The following GABRG3 variants were observed in gnomAD, a reference collection of about 807,000 sequenced individuals.
The protein encoded by GABRG3 is gamma-aminobutyric acid type A receptor subunit gamma3, also known as gamma-aminobutyric acid receptor subunit gamma-3.
Under a neutral mutation model 48.8 loss-of-function variants are expected in GABRG3, and 25 were observed. The observed-to-expected ratio is 0.51, with a 90% CI of 0.37 to 0.72. GABRG3 has a LOEUF of 0.72. Ranked by LOEUF, GABRG3 falls within the 30% of genes least tolerant of loss-of-function variation. The pLI is 0.00. For missense variants in GABRG3, 394 were observed against 577.9 expected, an observed-to-expected ratio of 0.68 and a Z score of 3.26; for synonymous variants, 227 against 217.6, an observed-to-expected ratio of 1.04 and a Z score of -0.38.
At chr15:27,052,116 A>G (rs1273033438) in intron 3 of GABRG3, among the ~76,000 whole-genome samples, 2 of 152,142 alleles carry the variant, frequency 1.3e-5, no homozygotes, top group Non-Finnish European at 2.9e-5. Context: ...TTGGACTGAT[A>G]CCCGGCCACA....
chr15:27,137,548 A>G (rs772569005), intron 3 of GABRG3, among the ~76,000 whole-genome samples: 6 of 152,204 alleles, frequency 3.9e-5, no homozygotes, highest in Non-Finnish European at 8.8e-5. Context: ...TGTCCATTTC[A>G]TATTAGGTCT....
chr15:27,183,365 C>T (rs1374838031), intron 3 of GABRG3, among the ~76,000 whole-genome samples: 1 of 152,074 alleles, frequency 6.6e-6, no homozygotes, highest in Non-Finnish European at 1.5e-5. Flanking sequence ...CTGATGGCAG[C>T]GAAAAGGGAG....
intron 3 of GABRG3, among the ~76,000 whole-genome samples, chr15:27,250,203 GGA>G (rs1340434379): frequency 6.6e-6 from 1 of 152,134 alleles, no homozygotes. Context: ...AACCCCTAGA[GGA>G]GCACCATCAG....
chr15:27,372,055 A>G (rs1895431555), intron 5 of GABRG3, among the ~76,000 whole-genome samples: 1 of 152,192 alleles, frequency 6.6e-6, no homozygotes. Flanking sequence ...GGCTTAGAAC[A>G]TAATTAGTAA....
chr15:27,218,180 A>T (rs1889329051), intron 3 of GABRG3, among the ~76,000 whole-genome samples: 1 of 151,152 alleles, frequency 6.6e-6, no homozygotes, highest in South Asian at 2.1e-4. Context: ...TGCCTGCCTA[A>T]TTTTTTTTTA....
chr15:27,049,837 G>T (rs571923722), intron 3 of GABRG3, among the ~76,000 whole-genome samples: 2 of 152,302 alleles, frequency 1.3e-5, no homozygotes, highest in African/African-American at 2.4e-5. Context: ...GGGGATGAAA[G>T]GTCATATCCA....
chr15:27,177,156 CTGTCTT>C (rs1887774087), intron 3 of GABRG3, among the ~76,000 whole-genome samples: 1 of 152,132 alleles, frequency 6.6e-6, no homozygotes, highest in Non-Finnish European at 1.5e-5. Context: ...AGTGGCAACA[CTGTCTT>C]TGTGTGCTGA....
chr15:27,514,311 G>A lies in GABRG3; in HGVS notation c.713-5661G>A, dbSNP rs1353232325. On this transcript the variant is annotated intron_variant, in intron 6 of 9. Coordinates refer to ENST00000615808, the MANE Select transcript of GABRG3 (RefSeq NM_033223.5). ...TTCTGTGAATTAGGTGTGGCTTAGC[G>A]GGGAACTTTGTTTAGGCTCTTAGGG... is the stretch of plus-strand genomic sequence containing the variant. 5.3e-5 allele frequency among the ~76,000 whole-genome samples: 8 copies of A among 152,156 alleles called. No homozygotes were observed. In the East Asian group the frequency reaches 1.2e-3, roughly 22 times the overall value.
chr15:27,257,443 A>T (rs1373825431), intron 3 of GABRG3, among the ~76,000 whole-genome samples: 3 of 152,166 alleles, frequency 2.0e-5, no homozygotes, highest in Non-Finnish European at 4.4e-5. Context: ...TTTCAAAAAA[A>T]TCACTGCCCA....
chr15:27,313,228 GTATA>G (rs1893061796), intron 3 of GABRG3, among the ~76,000 whole-genome samples: 1 of 70,622 alleles, frequency 1.4e-5, no homozygotes, highest in Non-Finnish European at 2.8e-5. Context: ...ATATATATAC[GTATA>G]TGTATATATG....
At chr15:27,397,849 G>A (rs2140583545) in intron 5 of GABRG3, among the ~76,000 whole-genome samples, 1 of 147,784 alleles carries the variant, frequency 6.8e-6, no homozygotes, top group African/African-American at 2.5e-5. Flanking sequence ...CTGTGGCCCA[G>A]GCTGCAGTGC....
At chr15:27,148,808 T>C (rs1458734275) in intron 3 of GABRG3, among the ~76,000 whole-genome samples, 2 of 152,020 alleles carry the variant, frequency 1.3e-5, no homozygotes, top group African/African-American at 2.4e-5. Flanking sequence ...TCTTCCATGA[T>C]GTAAACATCC....
chr15:27,002,709 G>C (rs986610410), intron 2 of GABRG3, among the ~76,000 whole-genome samples: 13 of 131,340 alleles, frequency 9.9e-5, no homozygotes, highest in African/African-American at 3.8e-4. Context: ...AGGAGTTTGA[G>C]AGCAGCCTGG....
intron 5 of GABRG3, among the ~76,000 whole-genome samples, chr15:27,439,388 C>T (rs1359248009): frequency 6.6e-6 from 1 of 152,196 alleles, no homozygotes; most frequent in Non-Finnish European, 1.5e-5. Context: ...GCATGTAACT[C>T]TCATTTCCAG....
In GABRG3 at chr15:27,132,475, T is replaced by G. The variant is rs1227567234; in HGVS notation, c.270+105654T>G. On this transcript the variant is annotated intron_variant, in intron 3 of 9. Transcript: ENST00000615808. ...TCAATCTTCCCAGTAGTTACAGTTTTTTTTTTTTTTTTTTTTTTTTTTTTT... is the reference window on the plus strand; with the variant it reads ...TCAATCTTCCCAGTAGTTACAGTTTGTTTTTTTTTTTTTTTTTTTTTTTTT... 1.7e-3 allele frequency among the ~76,000 whole-genome samples: 241 copies of G among 142,836 alleles called. 5 individuals carry two copies. The highest frequency in any genetic ancestry group is 5.9e-3 in the African/African-American group (229 of 38,544). 93.7% of individuals were successfully genotyped at this position (142,836 alleles called of 152,430 possible). A position where few individuals can be genotyped will look rare whatever the true frequency, so the allele number is the denominator to read the frequency against.
chr15:27,308,374 C>G (rs1259425578), intron 3 of GABRG3, among the ~76,000 whole-genome samples: 1 of 127,660 alleles, frequency 7.8e-6, no homozygotes, highest in East Asian at 2.5e-4. Context: ...AACATATAAA[C>G]ATTTGTTTAT....
intron 3 of GABRG3, among the ~76,000 whole-genome samples, chr15:27,314,604 T>G (rs1396180527): frequency 6.6e-6 from 1 of 152,208 alleles, no homozygotes; most frequent in African/African-American, 2.4e-5. Flanking sequence ...CAAAGATATC[T>G]TAGCACTCCA....
intron 5 of GABRG3, among the ~76,000 whole-genome samples, chr15:27,465,810 A>G (rs561840627): frequency 8.1e-4 from 124 of 152,350 alleles, no homozygotes; most frequent in Non-Finnish European, 1.3e-3. Flanking sequence ...AGTTATATAC[A>G]CATAGTGAAA....
intron 3 of GABRG3, among the ~76,000 whole-genome samples, chr15:27,245,650 A>T (rs1210292713): frequency 6.6e-6 from 1 of 152,050 alleles, no homozygotes; most frequent in Non-Finnish European, 1.5e-5. Flanking sequence ...GAGGCAGGTG[A>T]ATTACAACGT....
Sources: allele counts gnomAD v4.1 joint callset (sites outside exome capture counted in the v4.1 genomes callset), GRCh38; gene constraint gnomAD v4.1.1; transcripts MANE v1.5; gene names NCBI Gene and HGNC (gene_info 2026-07-23, HGNC 2026-07-21).